The following CYP3A5 variants were observed in gnomAD, a reference collection of about 807,000 sequenced individuals.
CYP3A5 encodes the protein cytochrome P450 3A5.
A neutral mutation model predicts 55.9 loss-of-function variants in CYP3A5; 51 were observed. That is an observed-to-expected ratio of 0.91 (90% CI 0.73 to 1.15). The LOEUF is 1.15. Ranked by LOEUF, CYP3A5 falls within the 50% of genes most tolerant of loss-of-function variation. CYP3A5 has a pLI of 0.00. For missense variants in CYP3A5, 533 were observed against 596.6 expected, an observed-to-expected ratio of 0.89 and a Z score of 1.11; for synonymous variants, 196 against 213.9, an observed-to-expected ratio of 0.92 and a Z score of 0.73.
chr7:99,678,626 C>T (rs1446105628), intron 1 of CYP3A5, among the ~76,000 whole-genome samples: 1 of 152,104 alleles, frequency 6.6e-6, no homozygotes, highest in African/African-American at 2.4e-5. Flanking sequence ...CCCTGTTTTA[C>T]CATCCAGAAG....
Position 99,660,419 on chromosome 7 carries a change from A to G in CYP3A5, c.1026+80T>C, listed in dbSNP as rs1810310814. 2.7e-6 allele frequency: 4 copies of G among 1,495,824 alleles called. No individual in the cohort carries two copies. The East Asian group carries it at 9.5e-5, about 35-fold the overall frequency. 92.7% of individuals were successfully genotyped at this position (1,495,824 alleles called of 1,614,324 possible). A position where few individuals can be genotyped will look rare whatever the true frequency, so the allele number is the denominator to read the frequency against. On this transcript the variant is annotated intron_variant, in intron 10 of 12. Transcript: ENST00000222982. ...AATCAGTGATTATGCTTTTTATAAA[A>G]ATTCTCCTGGGGAGTGGTGAGGAGG...
At chr7:99,660,160 G>A (rs553824938) in intron 10 of CYP3A5, 321 of 907,410 alleles carry the variant, frequency 3.5e-4, no homozygotes, top group East Asian at 1.3e-3. Context: ...TGTTGCTCAC[G>A]CTGGGAGCTG....
intron 1 of CYP3A5, chr7:99,677,320 C>T (rs1812384107): frequency 1.1e-6 from 1 of 885,934 alleles, no homozygotes; most frequent in Non-Finnish European, 1.4e-6. Context: ...ACAGTTGGCT[C>T]CAGAGAGGCA....
chr7:99,670,309 T>C (rs1360920224), intron 4 of CYP3A5, among the ~76,000 whole-genome samples: 1 of 152,144 alleles, frequency 6.6e-6, no homozygotes, highest in Non-Finnish European at 1.5e-5. Context: ...GAAAACCAAC[T>C]TAACAATACA....
chr7:99,679,288 C>T (rs922322319), intron 1 of CYP3A5, among the ~76,000 whole-genome samples: 2 of 152,074 alleles, frequency 1.3e-5, no homozygotes, highest in Non-Finnish European at 2.9e-5. Flanking sequence ...CCCATGAAGT[C>T]TTGGTGTCCC....
At chr7:99,665,440 G>A in intron 6 of CYP3A5, 126 bp from the exon 7 acceptor site, 1 of 1,340,048 alleles carries the variant, frequency 7.5e-7, no homozygotes, top group Non-Finnish European at 1.1e-6. Context: ...AGAACTATCT[G>A]CTGAATCATC....
At chr7:99,660,684 A>G (rs1329189269) in intron 9 of CYP3A5, 25 bp from the exon 10 acceptor site, 1 of 1,612,444 alleles carries the variant, frequency 6.2e-7, no homozygotes, top group Admixed American at 1.7e-5. Context: ...AAGACATTTT[A>G]GGTAAATCAG....
At chr7:99,649,550 G>C (rs1353788921) in intron 12 of CYP3A5, among the ~76,000 whole-genome samples, 1 of 152,274 alleles carries the variant, frequency 6.6e-6, no homozygotes, top group East Asian at 1.9e-4. Flanking sequence ...TTGGCTTCAC[G>C]TGAGAACTAA....
chr7:99,666,874 C>T (rs538264311), intron 5 of CYP3A5, 78 bp downstream of exon 5: 41 of 1,594,070 alleles, frequency 2.6e-5, no homozygotes, highest in Middle Eastern at 2.0e-4. Context: ...CCCTTGGAAA[C>T]GGACTGTGAT....
At chr7:99,670,737 G>A (rs1811524591) in intron 4 of CYP3A5, among the ~76,000 whole-genome samples, 1 of 152,132 alleles carries the variant, frequency 6.6e-6, no homozygotes, top group Non-Finnish European at 1.5e-5. Context: ...ACTTACATTT[G>A]TGAGCTACTA....
At chr7:99,677,207 T>G in intron 1 of CYP3A5, 1 of 985,402 alleles carries the variant, frequency 1.0e-6, no homozygotes, top group Non-Finnish European at 1.2e-6. Context: ...CTTGCAGACC[T>G]TCCCCCTCCG....
chr7:99,665,104 G>T, intron 7 of CYP3A5, 62 bp downstream of exon 7: 1 of 1,357,724 alleles, frequency 7.4e-7, no homozygotes, highest in Non-Finnish European at 1.0e-6. Context: ...TACGATATGT[G>T]AATTATATGT....
chr7:99,663,541 G>T (rs1458789511), intron 8 of CYP3A5: 2 of 992,046 alleles, frequency 2.0e-6, no homozygotes, highest in Non-Finnish European at 2.4e-6. Flanking sequence ...TCAGCAGTCG[G>T]CAGGTAGCCT....
chr7:99,650,256 A>G (rs1809041018), intron 11 of CYP3A5, 24 bp from the exon 12 acceptor site: 1 of 1,606,540 alleles, frequency 6.2e-7, no homozygotes, highest in African/African-American at 1.3e-5. Context: ...GGTAGATTAA[A>G]TAGTTAATGA....
Position 99,650,164 on chromosome 7 carries a change from C to T in CYP3A5, c.1322G>A (p.Cys441Tyr), listed in dbSNP as rs1809029591. 6.2e-7 allele frequency: 1 copy of T among 1,614,142 alleles called. No homozygotes were observed. The highest frequency in any genetic ancestry group is 8.5e-7 in the Non-Finnish European group (1 of 1,179,990). Residue 441 changes from cysteine to tyrosine, a missense_variant, in exon 12 of 13, where the codon TGC becomes TAC. Physicochemically the swap from Cys to Tyr is radical, Grantham distance 194. Transcript: ENST00000222982. ...CATGAGAGCAAACCTCATGCCAATG[C>T]AGTTTCTGGGTCCAGTTCCAAAGGG... is the stretch of plus-strand genomic sequence containing the variant. ...YTPFGTGPRNCIGMRFALMNM... is the reference protein window; with the variant it reads ...YTPFGTGPRNYIGMRFALMNM...
At chr7:99,669,975 C>T (rs577129893) in intron 4 of CYP3A5, among the ~76,000 whole-genome samples, 1 of 152,236 alleles carries the variant, frequency 6.6e-6, no homozygotes, top group African/African-American at 2.4e-5. Flanking sequence ...TCCATGTGCA[C>T]AAGCTTTAAA....
chr7:99,679,370 C>T (rs1812608015), intron 1 of CYP3A5, among the ~76,000 whole-genome samples: 1 of 152,066 alleles, frequency 6.6e-6, no homozygotes, highest in Admixed American at 6.6e-5. Flanking sequence ...AGGGGCAATA[C>T]AGCTACACAT....
intron 12 of CYP3A5, among the ~76,000 whole-genome samples, chr7:99,648,668 T>C (rs948827653): frequency 4.6e-5 from 7 of 151,984 alleles, no homozygotes; most frequent in African/African-American, 1.7e-4. Context: ...ACTCGTGTTT[T>C]TTTTTTTTTA....
intron 3 of CYP3A5, 187 bp from the exon 4 acceptor site, chr7:99,672,866 C>T: frequency 7.1e-7 from 1 of 1,399,448 alleles, no homozygotes; most frequent in South Asian, 1.6e-5. Flanking sequence ...CAGGAGCCAC[C>T]CAAGGCTTCA....
Sources: allele counts gnomAD v4.1 joint callset (sites outside exome capture counted in the v4.1 genomes callset), GRCh38; gene constraint gnomAD v4.1.1; transcripts MANE v1.5; gene names NCBI Gene and HGNC (gene_info 2026-07-23, HGNC 2026-07-21).